Variants in SLC13A1 observed in about 807,000 individuals in gnomAD.
SLC13A1 encodes the protein Na(+)/sulfate cotransporter.
A neutral mutation model predicts 70.0 loss-of-function variants in SLC13A1; 65 were observed. That is an observed-to-expected ratio of 0.93 (90% confidence interval 0.76 to 1.14). SLC13A1 has a LOEUF of 1.14. SLC13A1 is among the 50% of genes most tolerant of loss of function. The pLI is 0.00. For missense variants in SLC13A1, 726 were observed against 717.8 expected (o/e 1.01, Z -0.13); for synonymous variants, 275 against 250.5 (o/e 1.10, Z -0.92).
chr7:123,171,823 A>T lies in SLC13A1; in HGVS notation c.310T>A (p.Leu104Met), dbSNP rs779699420. ...CLATSIEKWN[L>M]HKRIALKMVM... is the part of the protein sequence containing the mutation. ...ATTTTCAGAGCAATTCTCTTGTGCA[A>T]ATTCCATTTTTCTATGGATGTTGCT... Residue 104 changes from leucine to methionine, a missense_variant, in exon 3 of 15, where the codon TTG (leucine) becomes ATG (methionine). Coordinates refer to ENST00000194130, the MANE Select transcript of SLC13A1 (RefSeq NM_022444.4). 3.7e-6 allele frequency: 6 copies of T among 1,613,802 alleles called. No homozygotes were observed. Among genetic ancestry groups the T allele is most frequent in the Non-Finnish European group, 5.1e-6 (6 of 1,179,910 alleles).
intron 1 of SLC13A1, among the ~76,000 whole-genome samples, chr7:123,188,114 T>C (rs369509124): frequency 6.6e-5 from 10 of 152,194 alleles, no homozygotes; most frequent in Admixed American, 3.9e-4. Context: ...AATTGAATAA[T>C]GGGCGCAGTT....
chr7:123,163,078 G>A (rs1040702936), intron 6 of SLC13A1, among the ~76,000 whole-genome samples: 3 of 151,888 alleles, frequency 2.0e-5, no homozygotes, highest in East Asian at 3.9e-4. Flanking sequence ...TGCAGGGGAG[G>A]GAAAGAACTA....
At chr7:123,149,707 G>T (rs1050392116) in intron 6 of SLC13A1, 1 of 434,426 alleles carries the variant, frequency 2.3e-6, no homozygotes, top group Non-Finnish European at 4.6e-6. Flanking sequence ...TTACCATCCT[G>T]GTTATCAAGA....
chr7:123,163,163 T>G (rs1034601745), intron 6 of SLC13A1, among the ~76,000 whole-genome samples: 7 of 152,090 alleles, frequency 4.6e-5, no homozygotes, highest in Non-Finnish European at 7.4e-5. Context: ...GGAAATTGTA[T>G]GCATGGTGGT....
At chr7:123,152,410 AT>A (rs1428795655) in intron 6 of SLC13A1, among the ~76,000 whole-genome samples, 1 of 151,894 alleles carries the variant, frequency 6.6e-6, no homozygotes, top group Non-Finnish European at 1.5e-5. Flanking sequence ...TTTTTTTCTA[AT>A]TTTTTAAGGA....
At chr7:123,182,082 T>C (rs1055011668) in intron 1 of SLC13A1, among the ~76,000 whole-genome samples, 10 of 152,186 alleles carry the variant, frequency 6.6e-5, no homozygotes, top group Non-Finnish European at 7.4e-5. Flanking sequence ...AGTACCTTTA[T>C]TGTGTTATCT....
chr7:123,148,307 A>G (rs1794432939), intron 6 of SLC13A1: 2 of 320,706 alleles, frequency 6.2e-6, no homozygotes, highest in Admixed American at 4.6e-5. Context: ...CACTATGTTC[A>G]TGAATAGCCC....
At chr7:123,166,993 G>C (rs1285649937) in intron 6 of SLC13A1, among the ~76,000 whole-genome samples, 1 of 152,150 alleles carries the variant, frequency 6.6e-6, no homozygotes, top group Non-Finnish European at 1.5e-5. Flanking sequence ...ACCACAATGA[G>C]ATACCATCTC....
In SLC13A1 at chr7:123,115,318, A is replaced by G. The variant is rs1180372405; in HGVS notation, c.*200T>C. 7.0e-6 allele frequency: 3 copies of G among 427,772 alleles called. No homozygotes were observed. Among genetic ancestry groups the G allele is most frequent in the African/African-American group, 2.0e-5 (1 of 49,726 alleles). The allele number at this position is 427,772 out of a possible 1,614,324, so 26.5% of individuals were successfully genotyped here. A position where few individuals can be genotyped will look rare whatever the true frequency, so the allele number is the denominator to read the frequency against. ...AACATGGGCTTCTTGATGAAGGCAC[A>G]TAGATGCTCTTTAGTTGCACTGCAA... On this transcript the variant is annotated 3_prime_UTR_variant, in exon 15 of 15. Transcript: ENST00000194130.
intron 6 of SLC13A1, among the ~76,000 whole-genome samples, chr7:123,167,314 G>A (rs192269206): frequency 3.3e-5 from 5 of 152,124 alleles, no homozygotes; most frequent in Non-Finnish European, 5.9e-5. Context: ...TATCTCTAAA[G>A]ATAATATCTT....
intron 6 of SLC13A1, among the ~76,000 whole-genome samples, chr7:123,164,016 G>T (rs1794995027): frequency 6.6e-6 from 1 of 151,944 alleles, no homozygotes; most frequent in Non-Finnish European, 1.5e-5. Flanking sequence ...TTTTAGTGGA[G>T]AAAGAAGACA....
chr7:123,122,096 A>G (rs1287684035), intron 12 of SLC13A1, among the ~76,000 whole-genome samples: 1 of 152,082 alleles, frequency 6.6e-6, no homozygotes. Context: ...TTTGTATGCT[A>G]GGGTCTGGCT....
intron 8 of SLC13A1, among the ~76,000 whole-genome samples, chr7:123,131,906 T>C (rs950509826): frequency 8.5e-5 from 13 of 152,218 alleles, no homozygotes; most frequent in Non-Finnish European, 1.8e-4. Flanking sequence ...TAATTTCTCC[T>C]TTTTAAATGG....
intron 1 of SLC13A1, among the ~76,000 whole-genome samples, chr7:123,194,978 A>G (rs1796131589): frequency 6.6e-6 from 1 of 152,098 alleles, no homozygotes; most frequent in Non-Finnish European, 1.5e-5. Flanking sequence ...ATTATTCGGC[A>G]TGTGTTTAGG....
chr7:123,134,613 C>G, intron 7 of SLC13A1, 84 bp from the exon 8 acceptor site: 1 of 1,313,618 alleles, frequency 7.6e-7, no homozygotes. Context: ...AGCAGTCCAC[C>G]TCTTTCCTGT....
intron 1 of SLC13A1, among the ~76,000 whole-genome samples, chr7:123,182,601 C>T (rs1267514761): frequency 1.3e-5 from 2 of 152,034 alleles, no homozygotes; most frequent in African/African-American, 4.8e-5. Context: ...ATCTGGAGCA[C>T]CAATCTATGA....
At chr7:123,184,332 A>T (rs1795731072) in intron 1 of SLC13A1, among the ~76,000 whole-genome samples, 1 of 152,076 alleles carries the variant, frequency 6.6e-6, no homozygotes, top group Non-Finnish European at 1.5e-5. Context: ...ACATAATGTT[A>T]TTAACTACAG....
intron 7 of SLC13A1, among the ~76,000 whole-genome samples, chr7:123,135,442 G>A (rs1793920357): frequency 6.6e-6 from 1 of 151,744 alleles, no homozygotes; most frequent in Non-Finnish European, 1.5e-5. Flanking sequence ...ATAACATAAA[G>A]ATAAATTTGA....
intron 6 of SLC13A1, chr7:123,149,594 GT>G (rs767349743): frequency 4.4e-6 from 2 of 456,468 alleles, no homozygotes; most frequent in South Asian, 3.1e-5. Flanking sequence ...GTCTAAAGCT[GT>G]TTTTTGGTCA....
Sources: allele counts gnomAD v4.1 joint callset (sites outside exome capture counted in the v4.1 genomes callset), GRCh38; gene constraint gnomAD v4.1.1; transcripts MANE v1.5; gene names NCBI Gene and HGNC (gene_info 2026-07-23, HGNC 2026-07-21).